Variants in SRL observed in about 807,000 individuals in gnomAD.
The protein encoded by SRL is sarcalumenin.
Under a neutral mutation model 39.5 loss-of-function variants are expected in SRL, and 23 were observed. That is an observed-to-expected ratio of 0.58 (90% CI 0.42 to 0.82). The LOEUF is 0.82. Ranked by LOEUF, SRL falls within the 40% of genes least tolerant of loss-of-function variation. SRL has a pLI of 0.00. For missense variants in SRL, 592 were observed against 607.8 expected (o/e 0.97, Z 0.27); for synonymous variants, 272 against 237.4 (o/e 1.15, Z -1.34).
At chr16:4,211,237 C>G (rs2052388188) in intron 1 of SRL, among the ~76,000 whole-genome samples, 6 of 152,230 alleles carry the variant, frequency 3.9e-5, no homozygotes, top group Admixed American at 3.9e-4. Flanking sequence ...AATCTTGACC[C>G]CCAGGCTTCA....
intron 1 of SRL, among the ~76,000 whole-genome samples, chr16:4,226,187 T>C (rs2052586126): frequency 6.6e-6 from 1 of 152,220 alleles, no homozygotes; most frequent in Admixed American, 6.6e-5. Flanking sequence ...CTCCATCGCA[T>C]CTACCACCTT....
intron 3 of SRL, among the ~76,000 whole-genome samples, chr16:4,201,391 C>G (rs1488598930): frequency 6.6e-6 from 1 of 151,670 alleles, no homozygotes; most frequent in African/African-American, 2.4e-5. Flanking sequence ...ATTCTCGTAC[C>G]TCAGCTTCCC....
intron 1 of SRL, among the ~76,000 whole-genome samples, chr16:4,227,823 G>C (rs1026121813): frequency 2.0e-5 from 3 of 152,170 alleles, no homozygotes; most frequent in Non-Finnish European, 4.4e-5. Context: ...ACAGCTACAT[G>C]AACTGAACTG....
intron 1 of SRL, 59 bp from the exon 2 acceptor site, chr16:4,204,693 G>T (rs1367932965): frequency 2.1e-5 from 31 of 1,511,102 alleles, no homozygotes; most frequent in Non-Finnish European, 2.3e-5. Context: ...TGAGCTCTGG[G>T]CCCCGGCACA....
At chr16:4,218,675 C>G (rs2052488290) in intron 1 of SRL, among the ~76,000 whole-genome samples, 1 of 152,224 alleles carries the variant, frequency 6.6e-6, no homozygotes, top group African/African-American at 2.4e-5. Flanking sequence ...ATTAGCAGAG[C>G]AGGTGAGAGG....
intron 1 of SRL, among the ~76,000 whole-genome samples, chr16:4,238,276 C>T (rs939241640): frequency 6.6e-6 from 1 of 152,186 alleles, no homozygotes; most frequent in African/African-American, 2.4e-5. Context: ...CTCCCCCAGC[C>T]ACCTGCCTCA....
intron 1 of SRL, among the ~76,000 whole-genome samples, chr16:4,236,252 T>TC (rs2052712895): frequency 6.6e-6 from 1 of 152,140 alleles, no homozygotes; most frequent in African/African-American, 2.4e-5. Flanking sequence ...TCCTCATTGG[T>TC]CAGTGACCTC....
chr16:4,194,402 A>G (rs765339518), intron 5 of SRL, among the ~76,000 whole-genome samples: 5 of 152,188 alleles, frequency 3.3e-5, no homozygotes, highest in African/African-American at 7.2e-5. Context: ...GAAGTCAGAC[A>G]TTAGCATTCC....
chr16:4,226,156 C>A (rs925468729), intron 1 of SRL, among the ~76,000 whole-genome samples: 3 of 152,228 alleles, frequency 2.0e-5, no homozygotes, highest in African/African-American at 4.8e-5. Flanking sequence ...CAGTCTTCCC[C>A]ATCTTCCATC....
chr16:4,239,320 T>A (rs1374677120), intron 1 of SRL, among the ~76,000 whole-genome samples: 1 of 151,964 alleles, frequency 6.6e-6, no homozygotes, highest in Admixed American at 6.6e-5. Context: ...GCCATTGGGG[T>A]GGCCGGGTGG....
intron 1 of SRL, among the ~76,000 whole-genome samples, chr16:4,211,209 G>A (rs935376039): frequency 2.0e-5 from 3 of 151,420 alleles, no homozygotes; most frequent in African/African-American, 7.3e-5. Flanking sequence ...GCAAACCACT[G>A]CAACTACCAA....
chr16:4,203,606 C>T (rs2052268446), intron 2 of SRL, among the ~76,000 whole-genome samples: 1 of 152,324 alleles, frequency 6.6e-6, no homozygotes, highest in African/African-American at 2.4e-5. Context: ...ACTGCAGCCT[C>T]TAACTCCTGG....
rs368491258 is a variant in SRL at position 4,212,529 on chromosome 16, C to T, written c.62-7895G>A. 4.2e-4 allele frequency among the ~76,000 whole-genome samples: 64 copies of T among 152,304 alleles called. No individual in the cohort carries two copies. In the South Asian group the frequency reaches 0.012, roughly 30 times the overall value. ...CCTATTGGCCCTGGAGCAGGGAGGC[C>T]GCAGAGGACCCAGGACACCCTGGAG... On this transcript the variant is annotated intron_variant, in intron 1 of 5. Transcript: ENST00000399609.
At chr16:4,215,134 A>C (rs1035056843) in intron 1 of SRL, among the ~76,000 whole-genome samples, 8 of 152,266 alleles carry the variant, frequency 5.3e-5, no homozygotes, top group African/African-American at 1.9e-4. Context: ...AGGACCCGAG[A>C]AGAGAAATTC....
intron 1 of SRL, among the ~76,000 whole-genome samples, chr16:4,209,563 ACCC>A (rs2052367177): frequency 6.6e-6 from 1 of 152,048 alleles, no homozygotes; most frequent in South Asian, 2.1e-4. Flanking sequence ...TTCTTGGAGT[ACCC>A]CTTCTCCCTC....
intron 1 of SRL, among the ~76,000 whole-genome samples, chr16:4,231,246 G>A (rs1200426653): frequency 5.3e-5 from 8 of 152,164 alleles, no homozygotes; most frequent in Admixed American, 5.2e-4. Context: ...AGCCCGGGAG[G>A]CAGAGATTGC....
intron 3 of SRL, among the ~76,000 whole-genome samples, chr16:4,202,549 C>A (rs569524633): frequency 6.6e-6 from 1 of 151,068 alleles, no homozygotes. Flanking sequence ...GCCGAGATTG[C>A]GCCACTGCAC....
intron 1 of SRL, among the ~76,000 whole-genome samples, chr16:4,216,423 A>G (rs2052460450): frequency 6.6e-6 from 1 of 151,884 alleles, no homozygotes; most frequent in Non-Finnish European, 1.5e-5. Flanking sequence ...AAGTGCACGC[A>G]ACCACACTCG....
intron 1 of SRL, among the ~76,000 whole-genome samples, chr16:4,216,725 A>C (rs2052464959): frequency 6.6e-6 from 1 of 152,174 alleles, no homozygotes. Context: ...TCCTTGCAGA[A>C]GGCCTTGGGC....
Sources: gnomAD v4.1 joint callset for allele counts (sites outside exome capture counted in the v4.1 genomes callset) on GRCh38, gnomAD v4.1.1 for gene constraint, MANE v1.5 for transcripts, NCBI Gene and HGNC (gene_info 2026-07-23, HGNC 2026-07-21) for gene names.